The following SMC4 variants were observed in gnomAD, a reference collection of about 807,000 sequenced individuals.
SMC4 encodes the protein structural maintenance of chromosomes protein 4.
A neutral mutation model predicts 145.6 loss-of-function variants in SMC4; 87 were observed. The observed-to-expected ratio is 0.60, with a 90% CI of 0.50 to 0.71. The LOEUF (loss-of-function observed/expected upper bound fraction) is 0.71, where lower values mean the gene tolerates loss of function less well. Ranked by LOEUF, SMC4 falls within the 30% of genes least tolerant of loss-of-function variation. The pLI is 0.00. For synonymous variants in SMC4, 558 were observed against 500.7 expected, an observed-to-expected ratio of 1.11 and a Z score of -1.53; for missense variants, 1,447 against 1,537.1, an observed-to-expected ratio of 0.94 and a Z score of 0.98.
rs770308150 is a variant in SMC4, at chr3:160,404,380, C to T, written c.563C>T (p.Thr188Met). The change falls in exon 5 of 24, where the codon ACG becomes ATG. Residue 188 changes from threonine to methionine, a missense_variant. By Grantham distance (81) the Thr-to-Met change is moderately conservative. Transcript: ENST00000357388. ...AACAGTAATTTCTATGTATCCAGAA[C>T]GGCCTGCAGAGATAATACTTCTGTC... ...IPNSNFYVSRTACRDNTSVYH... is the reference protein window; with the variant it reads ...IPNSNFYVSRMACRDNTSVYH... 2.5e-5 allele frequency: 41 copies of T among 1,609,134 alleles called. No homozygotes were observed. In the South Asian group the frequency reaches 3.0e-4, roughly 12 times the overall value.
rs575547468 is a variant in SMC4 at position 160,412,817 on chromosome 3, T to C, written c.980+364T>C. On this transcript the variant is annotated intron_variant, in intron 7 of 23. Coordinates refer to ENST00000357388, the MANE Select transcript of SMC4 (RefSeq NM_001002800.3). Reference sequence around the variant, plus strand: ...AATTAGGCATATTAATTCATTGAAGTTGACTTTTTAGTATCCTGCTTTAAG... The same window carrying C: ...AATTAGGCATATTAATTCATTGAAGCTGACTTTTTAGTATCCTGCTTTAAG... 12 of 985,382 alleles carry C rather than the reference T, an allele frequency of 1.2e-5. No individual in the cohort carries two copies. The South Asian group carries it at 2.7e-4, about 22-fold the overall frequency. 61.0% of individuals were successfully genotyped at this position (985,382 alleles called of 1,614,324 possible).
In SMC4 at chr3:160,413,629, G is replaced by A; in HGVS notation, c.1121+16G>A. ...ATACAGAAAAGTAATAATATTTTGG[G>A]AAGTACTAAAAGTATTTAGATAATT... On this transcript the variant is annotated intron_variant, in intron 8 of 23. Transcript: ENST00000357388. 7.8e-7 allele frequency: 1 copy of A among 1,276,478 alleles called. No individual in the cohort carries two copies. The highest frequency in any genetic ancestry group is 1.1e-6 in the Non-Finnish European group (1 of 917,812). 79.1% of individuals were successfully genotyped at this position (1,276,478 alleles called of 1,614,324 possible).
chr3:160,412,168 A>C, intron 6 of SMC4, 84 bp downstream of exon 6: 1 of 1,470,212 alleles, frequency 6.8e-7, no homozygotes, highest in South Asian at 1.3e-5. Context: ...TATTCATGTT[A>C]TAATACTTAA....
intron 13 of SMC4, among the ~76,000 whole-genome samples, chr3:160,421,598 G>C (rs1717183847): frequency 1.3e-5 from 2 of 152,016 alleles, no homozygotes; most frequent in African/African-American, 4.8e-5. Context: ...ACAAAAATTA[G>C]CTAGGCATGG....
In SMC4 at chr3:160,432,362, A is replaced by T. The variant is rs1236561183; in HGVS notation, c.3377A>T (p.Asp1126Val). The T allele has an allele frequency of 1.9e-6, 3 of 1,614,056 alleles. No homozygotes were observed. The South Asian group carries it at 3.3e-5, about 18-fold the overall frequency. The change falls in exon 22 of 24, where the codon GAT (aspartate) becomes GTT (valine). Residue 1126 changes from aspartate to valine, a missense_variant. Physicochemically the swap from Asp to Val is radical, Grantham distance 152 (BLOSUM62 -3). Coordinates refer to ENST00000357388, the MANE Select transcript of SMC4 (RefSeq NM_001002800.3). ...ERDSFRQAYEDLRKQRLNEFM... is the reference protein window; with the variant it reads ...ERDSFRQAYEVLRKQRLNEFM... ...GACAGTTTTAGACAGGCATATGAAG[A>T]TCTTCGGAAACAAAGGCTTAATGAA...
rs560440827 is a variant in SMC4, at chr3:160,415,329, A to G, written c.1272+812A>G. ...CAGTGAATAGTGATCAAGCCACTGCATCCAGCCTGGGTGACAAAGTGAGAC... is the reference window on the plus strand; with the variant it reads ...CAGTGAATAGTGATCAAGCCACTGCGTCCAGCCTGGGTGACAAAGTGAGAC... On this transcript the variant is annotated intron_variant, in intron 9 of 23. Coordinates refer to ENST00000357388, the MANE Select transcript of SMC4 (RefSeq NM_001002800.3). Among the ~76,000 whole-genome samples, 18 of 152,350 alleles carry G rather than the reference A, an allele frequency of 1.2e-4. No homozygotes were observed. The South Asian group carries it at 3.5e-3, about 30-fold the overall frequency.
chr3:160,431,622 TC>T lies in SMC4; in HGVS notation c.3115-17del. ...TGTAATATTATGCCTTCTCTAACTCTCCCCTAAATTGAACTTTTAGATTTCA... is the reference window on the plus strand; with the variant it reads ...TGTAATATTATGCCTTCTCTAACTCTCCCTAAATTGAACTTTTAGATTTCA... On this transcript the variant is annotated intron_variant, in intron 20 of 23. Transcript: ENST00000357388. 6.5e-7 allele frequency: 1 copy of T among 1,537,282 alleles called. No individual in the cohort carries two copies. The highest frequency in any genetic ancestry group is 1.2e-5 in the South Asian group (1 of 82,028).
intron 11 of SMC4, among the ~76,000 whole-genome samples, chr3:160,418,354 C>T (rs1179562485): frequency 6.6e-6 from 1 of 151,956 alleles, no homozygotes; most frequent in Non-Finnish European, 1.5e-5. Flanking sequence ...AGTTTCTTTG[C>T]TTGCATTCCA....
At chr3:160,430,213 T>C (rs941032155) in intron 18 of SMC4, among the ~76,000 whole-genome samples, 1 of 74,624 alleles carries the variant, frequency 1.3e-5, no homozygotes, top group African/African-American at 5.4e-5. Flanking sequence ...GTGTCTTGCT[T>C]TTTTGGAAGT....
At chr3:160,429,151 C>T (rs2108500952) in intron 18 of SMC4, among the ~76,000 whole-genome samples, 1 of 152,020 alleles carries the variant, frequency 6.6e-6, no homozygotes, top group East Asian at 1.9e-4. Context: ...AACAGGTATG[C>T]CATAGGAAAG....
At position 160,400,803 on chromosome 3, in the gene SMC4, G is replaced by T. The variant is rs767183268; in HGVS notation, c.-5-19G>T. 4.7e-6 allele frequency: 7 copies of T among 1,501,804 alleles called. No individual in the cohort carries two copies. The East Asian group carries it at 2.0e-4, about 43-fold the overall frequency. The allele number at this position is 1,501,804 out of a possible 1,614,324, so 93.0% of individuals were successfully genotyped here. ...GCGGCCCGCGGGCTGACTTGCTCCC[G>T]GCTGTCCCCCGGCCCCAGCGACCAT... On this transcript the variant is annotated intron_variant, in intron 1 of 23. Transcript: ENST00000357388.
At position 160,401,301 on chromosome 3, in the gene SMC4, G is replaced by T. The variant is rs143444127; in HGVS notation, c.139+336G>T. Among the ~76,000 whole-genome samples, 28 of 152,176 alleles carry T rather than the reference G, an allele frequency of 1.8e-4. No homozygotes were observed. The East Asian group carries it at 4.1e-3, about 22-fold the overall frequency. ...AGACGGTCAATCAAGAGAGCAAGTGGACTTTTTTCCCAGAGACAATCAATA... is the reference window on the plus strand; with the variant it reads ...AGACGGTCAATCAAGAGAGCAAGTGTACTTTTTTCCCAGAGACAATCAATA... On this transcript the variant is annotated intron_variant, in intron 2 of 23. Coordinates refer to ENST00000357388, the MANE Select transcript of SMC4 (RefSeq NM_001002800.3).
Position 160,431,220 on chromosome 3 carries a change from G to A in SMC4, c.3114+15G>A, listed in dbSNP as rs115720215. 2,829 of 1,550,438 alleles carry A rather than the reference G, an allele frequency of 1.8e-3. 54 individuals are homozygous for A. In the African/African-American group the frequency reaches 0.033, roughly 18 times the overall value. The stretch of plus-strand genomic sequence containing the variant: ...GGCACAAAGAGGTGAGATTGTTACC[G>A]TTTAGTTTAATTTTAAACATATTCT... On this transcript the variant is annotated intron_variant, in intron 20 of 23. Coordinates refer to ENST00000357388, the MANE Select transcript of SMC4 (RefSeq NM_001002800.3).
intron 17 of SMC4, among the ~76,000 whole-genome samples, 186 bp downstream of exon 17, chr3:160,426,386 AT>A (rs1219045950): frequency 4.6e-5 from 7 of 152,210 alleles, no homozygotes; most frequent in Non-Finnish European, 8.8e-5. Flanking sequence ...AAACTGAGGC[AT>A]TTGCCTAAGG....
chr3:160,425,907 T>A (rs1008484841), intron 16 of SMC4, among the ~76,000 whole-genome samples, 167 bp from the exon 17 acceptor site: 2 of 152,200 alleles, frequency 1.3e-5, no homozygotes, highest in Non-Finnish European at 2.9e-5. Context: ...GCTTACATAT[T>A]TTGTGTTTGT....
chr3:160,412,654 G>C, intron 7 of SMC4: 2 of 1,075,534 alleles, frequency 1.9e-6, no homozygotes, highest in Non-Finnish European at 2.4e-6. Flanking sequence ...TTGAGGCTGG[G>C]AGTTCAAGAC....
chr3:160,420,518 C>T, intron 12 of SMC4: 1 of 442,274 alleles, frequency 2.3e-6, no homozygotes, highest in Non-Finnish European at 3.9e-6. Flanking sequence ...ATGTTGTTTT[C>T]ATAAAATGAA....
At chr3:160,429,089 A>G (rs1015891480) in intron 18 of SMC4, 147 bp downstream of exon 18, 7 of 655,194 alleles carry the variant, frequency 1.1e-5, no homozygotes, top group Non-Finnish European at 1.7e-5. Flanking sequence ...GACTTCCATG[A>G]CGGAAAACCT....
At position 160,419,474 on chromosome 3, in the gene SMC4, G is replaced by A; in HGVS notation, c.1788G>A (p.Arg596=). The change falls in exon 12 of 24, where the codon AGG becomes AGA. Residue 596 remains arginine (R), a synonymous_variant. Transcript: ENST00000357388. ...AKSSLAMNRS[R]GKVLDAIIQE... ...GCTCATTAGCAATGAATCGAAGTAGGGGGAAAGTCCTTGATGCAATAATTC... is the reference window on the plus strand; with the variant it reads ...GCTCATTAGCAATGAATCGAAGTAGAGGGAAAGTCCTTGATGCAATAATTC... 6.2e-7 allele frequency: 1 copy of A among 1,611,264 alleles called. No individual in the cohort carries two copies. The highest frequency in any genetic ancestry group is 8.5e-7 in the Non-Finnish European group (1 of 1,179,370).
Sources: allele counts gnomAD v4.1 joint callset (sites outside exome capture counted in the v4.1 genomes callset), GRCh38; gene constraint gnomAD v4.1.1; transcripts MANE v1.5; gene names NCBI Gene and HGNC (gene_info 2026-07-23, HGNC 2026-07-21).